Variants in PXK observed in about 807,000 individuals in gnomAD.
The protein encoded by PXK is PX domain containing serine/threonine kinase like.
Under a neutral mutation model 84.7 loss-of-function variants are expected in PXK, and 35 were observed. The ratio of observed to expected loss-of-function variants is 0.41; its 90% CI spans 0.32 to 0.55. The LOEUF (loss-of-function observed/expected upper bound fraction) is 0.55, where lower values mean the gene tolerates loss of function less well. Ranked by LOEUF, PXK falls within the 20% of genes least tolerant of loss-of-function variation. The pLI, the probability that PXK is intolerant of heterozygous loss-of-function variation, is 0.21. For synonymous variants in PXK, 253 were observed against 260.8 expected, an observed-to-expected ratio of 0.97 and a Z score of 0.29; for missense variants, 634 against 699.7, an observed-to-expected ratio of 0.91 and a Z score of 1.06.
At chr3:58,396,182 A>G (rs951383468) in intron 9 of PXK, among the ~76,000 whole-genome samples, 1 of 152,118 alleles carries the variant, frequency 6.6e-6, no homozygotes, top group Non-Finnish European at 1.5e-5. Flanking sequence ...GGATTATGCA[A>G]CCTTATCAGT....
Position 58,409,131 on chromosome 3 carries a change from C to T in PXK, c.1308+130C>T. On this transcript the variant is annotated intron_variant, in intron 14 of 17. Coordinates refer to ENST00000356151, the MANE Select transcript of PXK (RefSeq NM_017771.5). The surrounding 1 kb of genome is among the most constrained non-coding windows in gnomAD (Gnocchi z 4.2). ...TACTTACTCTCAGCCAGCCTTTAGGCTAAATGCTTCCCTGCAGAGCTGAAT... is the reference window on the plus strand; with the variant it reads ...TACTTACTCTCAGCCAGCCTTTAGGTTAAATGCTTCCCTGCAGAGCTGAAT... The T allele has an allele frequency of 1.4e-6, 1 of 690,946 alleles. No individual in the cohort carries two copies. 42.8% of individuals were successfully genotyped at this position (690,946 alleles called of 1,614,324 possible).
chr3:58,365,849 G>A (rs2098262095), intron 1 of PXK, 25 bp from the exon 2 acceptor site: 3 of 1,504,884 alleles, frequency 2.0e-6, no homozygotes, highest in Admixed American at 2.4e-5. Flanking sequence ...TATAACTGAG[G>A]TTATTCTTCC....
At chr3:58,350,295 T>A (rs1336028314) in intron 1 of PXK, among the ~76,000 whole-genome samples, 1 of 152,156 alleles carries the variant, frequency 6.6e-6, no homozygotes, top group African/African-American at 2.4e-5. Context: ...GCTCCAGCAG[T>A]TTGTGTCCAT....
chr3:58,394,194 C>T lies in PXK; in HGVS notation c.616-804C>T, dbSNP rs182298257. On this transcript the variant is annotated intron_variant, in intron 7 of 17. Transcript: ENST00000356151. ...CTGCTGCATGCCAGCCTCCAAAATCCCTGCATAGCTCAGCTCCCATGGGTT... is the reference window on the plus strand; with the variant it reads ...CTGCTGCATGCCAGCCTCCAAAATCTCTGCATAGCTCAGCTCCCATGGGTT... Among the ~76,000 whole-genome samples, 68 of 152,298 alleles carry T rather than the reference C, an allele frequency of 4.5e-4. 3 individuals carry two copies. The East Asian group carries it at 0.011, about 25-fold the overall frequency.
intron 1 of PXK, among the ~76,000 whole-genome samples, chr3:58,334,187 T>C (rs2097547344): frequency 6.6e-6 from 1 of 152,258 alleles, no homozygotes. Context: ...TCTGTTGTAT[T>C]AAAGTGAGAC....
Position 58,425,160 on chromosome 3 carries a change from T to A in PXK, c.*200T>A. On this transcript the variant is annotated 3_prime_UTR_variant, in exon 18 of 18. Transcript: ENST00000356151. ...TAAAGTTAGGCTGGCATTGCTCCCTTAAGATCTTGCTCCTTTATTAACCCT... is the reference window on the plus strand; with the variant it reads ...TAAAGTTAGGCTGGCATTGCTCCCTAAAGATCTTGCTCCTTTATTAACCCT... 1.3e-6 allele frequency: 1 copy of A among 785,888 alleles called. No homozygotes were observed. The highest frequency in any genetic ancestry group is 2.0e-6 in the Non-Finnish European group (1 of 510,920). The allele number at this position is 785,888 out of a possible 1,614,324, so 48.7% of individuals were successfully genotyped here. A position where few individuals can be genotyped will look rare whatever the true frequency, so the allele number is the denominator to read the frequency against.
intron 3 of PXK, among the ~76,000 whole-genome samples, chr3:58,381,956 C>T (rs1366985328): frequency 7.0e-6 from 1 of 142,100 alleles, no homozygotes; most frequent in African/African-American, 2.4e-5. Flanking sequence ...GTGAGTTACT[C>T]TTGAAATTAT....
Position 58,413,018 on chromosome 3 carries a change from G to A in PXK, c.1528+55G>A, listed in dbSNP as rs554657041. On this transcript the variant is annotated intron_variant, in intron 17 of 17. Transcript: ENST00000356151. ...CTTCCTGTCCGCCAACAGGAGGAGC[G>A]GGCTGTGCCTCTTCCTGCCTTGGCC... is the stretch of plus-strand genomic sequence containing the variant. The A allele has an allele frequency of 7.4e-5, 117 of 1,575,976 alleles. No homozygotes were observed. The African/African-American group carries it at 9.4e-4, about 13-fold the overall frequency.
rs1389096121 is a variant in PXK at position 58,332,952 on chromosome 3, C to G, written c.-37C>G. 3.9e-5 allele frequency: 51 copies of G among 1,307,178 alleles called. No individual in the cohort carries two copies. The highest frequency in any genetic ancestry group is 5.0e-5 in the Non-Finnish European group (50 of 1,006,092). 81.0% of individuals were successfully genotyped at this position (1,307,178 alleles called of 1,614,324 possible). A position where few individuals can be genotyped will look rare whatever the true frequency, so the allele number is the denominator to read the frequency against. On this transcript the variant is annotated 5_prime_UTR_variant, in exon 1 of 18. Coordinates refer to ENST00000356151, the MANE Select transcript of PXK (RefSeq NM_017771.5). This position sits in a 1 kb window ranked among gnomAD's most constrained non-coding sequence, Gnocchi z 5.6. Reference sequence around the variant, plus strand: ...GGGAGTCGGCGCCTCGGGTTCCTACCTCGCGTCCCTAGGCGGCGGCGGCCG... The same window carrying G: ...GGGAGTCGGCGCCTCGGGTTCCTACGTCGCGTCCCTAGGCGGCGGCGGCCG...
At chr3:58,402,375 A>C (rs1426372705) in intron 12 of PXK, among the ~76,000 whole-genome samples, 1 of 150,988 alleles carries the variant, frequency 6.6e-6, no homozygotes, top group African/African-American at 2.4e-5. Flanking sequence ...CTGGGACTGC[A>C]GGCGAATGCC....
Position 58,401,985 on chromosome 3 carries a change from G to T in PXK, c.1182-1877G>T, listed in dbSNP as rs1406365056. ...TGCCTGTAGTTCCAGCTACTCAGGA[G>T]GCCAAGATGGGAGGATTGATTGAGC... On this transcript the variant is annotated intron_variant, in intron 12 of 17. Coordinates refer to ENST00000356151, the MANE Select transcript of PXK (RefSeq NM_017771.5). The surrounding 1 kb of genome is among the most constrained non-coding windows in gnomAD (Gnocchi z 4.4). Among the ~76,000 whole-genome samples, 1 of 152,284 alleles carries T rather than the reference G, an allele frequency of 6.6e-6. No individual in the cohort carries two copies. The highest frequency in any genetic ancestry group is 1.5e-5 in the Non-Finnish European group (1 of 68,016).
intron 1 of PXK, among the ~76,000 whole-genome samples, chr3:58,358,542 C>T (rs533953526): frequency 6.6e-6 from 1 of 152,170 alleles, no homozygotes; most frequent in East Asian, 1.9e-4. Context: ...TCCCAAGCCT[C>T]CATGGGCTGG....
intron 13 of PXK, among the ~76,000 whole-genome samples, chr3:58,404,497 A>G (rs547816107): frequency 2.0e-5 from 3 of 152,290 alleles, no homozygotes; most frequent in South Asian, 2.1e-4. Context: ...GTCTCCAGAC[A>G]TTGCTAAATG....
In PXK at chr3:58,356,601, G is replaced by GT. The variant is rs1318844072; in HGVS notation, c.103-9263dup. On this transcript the variant is annotated intron_variant, in intron 1 of 17. Coordinates refer to ENST00000356151, the MANE Select transcript of PXK (RefSeq NM_017771.5). ...TTGGTTGCAAGCAGTAGGCAGCTGT[G>GT]TTTTTTTTTTCTTTTTTTTTGAGAC... is the stretch of plus-strand genomic sequence containing the variant. Among the ~76,000 whole-genome samples the GT allele has an allele frequency of 2.7e-4, 38 of 140,450 alleles. 1 individual carries two copies. The highest frequency in any genetic ancestry group is 3.1e-4 in the Non-Finnish European group (20 of 65,344). 92.1% of individuals were successfully genotyped at this position (140,450 alleles called of 152,430 possible). A position where few individuals can be genotyped will look rare whatever the true frequency, so the allele number is the denominator to read the frequency against.
chr3:58,404,342 C>T (rs529554763), intron 13 of PXK, among the ~76,000 whole-genome samples: 1 of 152,204 alleles, frequency 6.6e-6, no homozygotes, highest in African/African-American at 2.4e-5. Flanking sequence ...GTTTTTCAAC[C>T]ACGGTATTTG....
intron 3 of PXK, among the ~76,000 whole-genome samples, chr3:58,381,307 T>G (rs1225033815): frequency 6.7e-6 from 1 of 150,110 alleles, no homozygotes; most frequent in Non-Finnish European, 1.5e-5. Context: ...AAGGGAATTA[T>G]GTACAAAAAA....
At chr3:58,378,483 A>ATTT (rs1559985594) in intron 3 of PXK, among the ~76,000 whole-genome samples, 3 of 61,804 alleles carry the variant, frequency 4.9e-5, no homozygotes, top group African/African-American at 2.2e-4. Context: ...TTTGGACTTC[A>ATTT]TTTTTCTTCT....
intron 2 of PXK, among the ~76,000 whole-genome samples, chr3:58,367,537 G>A (rs1022796122): frequency 2.0e-5 from 3 of 152,102 alleles, no homozygotes; most frequent in African/African-American, 7.2e-5. Context: ...GAGCCACTGT[G>A]CCTGACCAAT....
At chr3:58,368,558 G>A (rs143473506) in intron 2 of PXK, among the ~76,000 whole-genome samples, 2,805 of 152,154 alleles carry the variant, frequency 0.018, 102 homozygotes, top group African/African-American at 0.064. Context: ...CTGGCCTCAG[G>A]TGATCCACCC....
Sources: gnomAD v4.1 joint callset for allele counts (sites outside exome capture counted in the v4.1 genomes callset) on GRCh38, gnomAD v4.1.1 for gene constraint, Gnocchi (gnomAD v3.1) non-coding constraint, MANE v1.5 for transcripts, NCBI Gene and HGNC (gene_info 2026-07-23, HGNC 2026-07-21) for gene names.